SPON1: variants seen among roughly 807,000 people sequenced by gnomAD.
The protein encoded by SPON1 is spondin-1.
SPON1 carries 52 observed loss-of-function variants against 111.7 expected under a neutral mutation model. The ratio of observed to expected loss-of-function variants is 0.47; its 90% CI spans 0.37 to 0.59. SPON1 has a LOEUF of 0.59. Ranked by LOEUF, SPON1 falls within the 20% of genes least tolerant of loss-of-function variation. The pLI, the probability that SPON1 is intolerant of heterozygous loss-of-function variation, is 0.00. For synonymous variants in SPON1, 410 were observed against 395.8 expected (o/e 1.04, Z -0.43); for missense variants, 957 against 1,068.5 (o/e 0.90, Z 1.46).
chr11:14,171,858 A>G (rs1286354994), intron 6 of SPON1, among the ~76,000 whole-genome samples: 1 of 152,178 alleles, frequency 6.6e-6, no homozygotes, highest in African/African-American at 2.4e-5. Context: ...TCTGAGAGAC[A>G]GTTTGTTATA....
intron 3 of SPON1, among the ~76,000 whole-genome samples, chr11:14,068,832 C>T (rs4757220): frequency 0.26 from 39,452 of 152,072 alleles, 6,158 homozygotes; most frequent in South Asian, 0.41. Flanking sequence ...GAGAGTCATT[C>T]GGGTATGTTC....
chr11:14,030,118 T>C (rs1021600515), intron 2 of SPON1, among the ~76,000 whole-genome samples: 1 of 152,230 alleles, frequency 6.6e-6, no homozygotes. Flanking sequence ...GCAGTTGAAC[T>C]ACTCAGGTTA....
rs782358659 is a variant in SPON1, at chr11:14,259,422, G to A, written c.1635G>A (p.Thr545=). 8.1e-6 allele frequency: 13 copies of A among 1,610,468 alleles called. No individual in the cohort carries two copies. Among genetic ancestry groups the A allele is most frequent in the Middle Eastern group, 1.6e-4 (1 of 6,082 alleles). ...GSVCTLPTEE[T]EKCTVNEECS... ...TGTGCACGCTGCCCACTGAGGAAAC[G>A]GAGAAGTGCACGGTCAACGAGGAGT... is the stretch of plus-strand genomic sequence containing the variant. Residue 545 remains threonine (T), a synonymous_variant, in exon 12 of 16, where the codon ACG becomes ACA. Transcript: ENST00000576479. This position sits in a 1 kb window ranked among gnomAD's most constrained non-coding sequence, Gnocchi z 5.0.
At chr11:14,174,318 G>A (rs140112105) in intron 6 of SPON1, among the ~76,000 whole-genome samples, 128 of 152,266 alleles carry the variant, frequency 8.4e-4, no homozygotes, top group African/African-American at 2.9e-3. Context: ...AGGTGGCCAC[G>A]AGCCTGCTTC....
At chr11:14,115,454 ATAGAT>A (rs568026640) in intron 5 of SPON1, among the ~76,000 whole-genome samples, 239 of 152,288 alleles carry the variant, frequency 1.6e-3, no homozygotes, top group Middle Eastern at 6.8e-3. Flanking sequence ...GACTTCTATC[ATAGAT>A]TAATTTGGCC....
chr11:14,195,415 C>T (rs1468617029), intron 6 of SPON1, among the ~76,000 whole-genome samples: 2 of 152,090 alleles, frequency 1.3e-5, no homozygotes, highest in Non-Finnish European at 2.9e-5. Context: ...TGGAAAAGGC[C>T]TGGAATCAAA....
chr11:14,176,712 T>C (rs548061625), intron 6 of SPON1, among the ~76,000 whole-genome samples: 3 of 152,280 alleles, frequency 2.0e-5, no homozygotes, highest in South Asian at 2.1e-4. Flanking sequence ...GGGTCGGCAG[T>C]GCCCCACCAG....
chr11:14,262,389 G>C, intron 14 of SPON1: 1 of 362,206 alleles, frequency 2.8e-6, no homozygotes, highest in South Asian at 3.1e-5. Flanking sequence ...TTCTGTACTT[G>C]AGGCTGATCT....
Position 14,265,697 on chromosome 11 carries a change from G to C in SPON1, c.*10G>C, listed in dbSNP as rs373899475. The C allele has an allele frequency of 1.2e-6, 2 of 1,612,022 alleles. No homozygotes were observed. The highest frequency in any genetic ancestry group is 1.3e-5 in the African/African-American group (1 of 74,904). On this transcript the variant is annotated 3_prime_UTR_variant, in exon 16 of 16. Transcript: ENST00000576479. ...TGTTCATCCTTGTTAGCAAGGGTACGAGTTCCCCAGGGCTGCACTCTAGAT... is the reference window on the plus strand; with the variant it reads ...TGTTCATCCTTGTTAGCAAGGGTACCAGTTCCCCAGGGCTGCACTCTAGAT...
Position 14,160,548 on chromosome 11 carries a change from TA to T in SPON1, c.825+24981del, listed in dbSNP as rs1564919070. 5.3e-4 allele frequency among the ~76,000 whole-genome samples: 12 copies of T among 22,444 alleles called. 1 individual carries two copies. Among genetic ancestry groups the T allele is most frequent in the African/African-American group, 3.1e-3 (11 of 3,590 alleles). The allele number at this position is 22,444 out of a possible 152,430, so 14.7% of individuals were successfully genotyped here. ...ACATATATATATTTATATATATATT[TA>T]TATATATATTTATATATATATTTAT... On this transcript the variant is annotated intron_variant, in intron 6 of 15. Transcript: ENST00000576479.
At chr11:14,195,754 T>A (rs1554934990) in intron 6 of SPON1, among the ~76,000 whole-genome samples, 1 of 152,170 alleles carries the variant, frequency 6.6e-6, no homozygotes, top group Non-Finnish European at 1.5e-5. Flanking sequence ...TAACTGGGGC[T>A]CTGTTGGTGG....
At chr11:14,243,258 G>A (rs1848948797) in intron 6 of SPON1, 74 bp from the exon 7 acceptor site, 3 of 1,392,102 alleles carry the variant, frequency 2.2e-6, no homozygotes, top group Non-Finnish European at 3.0e-6. Flanking sequence ...GGTGAATGGT[G>A]TCACCAGGTC....
intron 6 of SPON1, among the ~76,000 whole-genome samples, chr11:14,205,766 A>G (rs1274786803): frequency 6.6e-6 from 1 of 152,114 alleles, no homozygotes; most frequent in African/African-American, 2.4e-5. Flanking sequence ...GACACCTCCA[A>G]TGCTAAGGCC....
chr11:14,180,974 G>A (rs1554933641), intron 6 of SPON1, among the ~76,000 whole-genome samples: 1 of 152,142 alleles, frequency 6.6e-6, no homozygotes, highest in East Asian at 1.9e-4. Context: ...CCTTCAGTTT[G>A]TTCACTACCC....
chr11:14,133,805 G>A (rs1414051000), intron 5 of SPON1, among the ~76,000 whole-genome samples: 1 of 152,168 alleles, frequency 6.6e-6, no homozygotes, highest in Non-Finnish European at 1.5e-5. Flanking sequence ...AGAGATGAAG[G>A]ATAAACATGG....
chr11:14,265,716 T>C lies in SPON1; in HGVS notation c.*29T>C. The C allele has an allele frequency of 1.9e-6, 3 of 1,605,460 alleles. No individual in the cohort carries two copies. Among genetic ancestry groups the C allele is most frequent in the Non-Finnish European group, 2.6e-6 (3 of 1,175,568 alleles). Reference sequence around the variant, plus strand: ...GGGTACGAGTTCCCCAGGGCTGCACTCTAGATTCCAGAGTCACCAATGGCT... The same window carrying C: ...GGGTACGAGTTCCCCAGGGCTGCACCCTAGATTCCAGAGTCACCAATGGCT... On this transcript the variant is annotated 3_prime_UTR_variant, in exon 16 of 16. Transcript: ENST00000576479.
chr11:14,252,916 CTG>C (rs1849067237), intron 7 of SPON1, among the ~76,000 whole-genome samples: 1 of 152,266 alleles, frequency 6.6e-6, no homozygotes, highest in African/African-American at 2.4e-5. Flanking sequence ...GCTCAAGAAT[CTG>C]TATTTCTAAC....
At chr11:14,207,346 A>G (rs1200706864) in intron 6 of SPON1, among the ~76,000 whole-genome samples, 1 of 152,218 alleles carries the variant, frequency 6.6e-6, no homozygotes, top group Admixed American at 6.5e-5. Flanking sequence ...AGCAATTGCA[A>G]CAAAAGCAAA....
chr11:13,990,818 C>T (rs1848223711), intron 2 of SPON1, among the ~76,000 whole-genome samples: 1 of 152,096 alleles, frequency 6.6e-6, no homozygotes, highest in Non-Finnish European at 1.5e-5. Flanking sequence ...TTTTATTTCT[C>T]CTTCACTTAT....
Sources: gnomAD v4.1 joint callset for allele counts (sites outside exome capture counted in the v4.1 genomes callset) on GRCh38, gnomAD v4.1.1 for gene constraint, Gnocchi (gnomAD v3.1) non-coding constraint, MANE v1.5 for transcripts, NCBI Gene and HGNC (gene_info 2026-07-23, HGNC 2026-07-21) for gene names.